The following HDAC9 variants were observed in gnomAD, a reference collection of about 807,000 sequenced individuals.
HDAC9 encodes histone deacetylase 9.
Under a neutral mutation model 139.4 loss-of-function variants are expected in HDAC9, and 41 were observed. The observed-to-expected ratio is 0.29, with a 90% CI of 0.23 to 0.38. The LOEUF (loss-of-function observed/expected upper bound fraction) is 0.38. Among genes scored for constraint, HDAC9 ranks in the 10% least tolerant of loss-of-function variants. The pLI is 1.00. For missense variants in HDAC9, 1,147 were observed against 1,297.0 expected (o/e 0.88, Z 1.78); for synonymous variants, 517 against 476.2 (o/e 1.09, Z -1.12).
At chr7:18,428,660 C>A (rs1052662517) in intron 1 of HDAC9, among the ~76,000 whole-genome samples, 2 of 152,190 alleles carry the variant, frequency 1.3e-5, no homozygotes, top group Admixed American at 6.5e-5. Context: ...CATTGGAGCC[C>A]TGGTTTATCC....
chr7:18,458,425 T>A (rs554227096), intron 1 of HDAC9, among the ~76,000 whole-genome samples: 31 of 152,254 alleles, frequency 2.0e-4, no homozygotes, highest in African/African-American at 7.2e-4. Flanking sequence ...TACCAATAAA[T>A]ATAGAATTCA....
intron 1 of HDAC9, among the ~76,000 whole-genome samples, chr7:18,294,360 G>A (rs1719613650): frequency 6.6e-6 from 1 of 151,978 alleles, no homozygotes; most frequent in South Asian, 2.1e-4. Flanking sequence ...ATGATACTGA[G>A]CTGCTAGGGG....
At chr7:18,434,077 A>G (rs556714322) in intron 1 of HDAC9, among the ~76,000 whole-genome samples, 25 of 152,314 alleles carry the variant, frequency 1.6e-4, no homozygotes, top group African/African-American at 4.8e-4. Context: ...ACATAGACCA[A>G]CAGAACAGAA....
At chr7:18,151,920 T>G (rs1786809334) in intron 1 of HDAC9, 1 of 152,246 alleles carries the variant, frequency 6.6e-6, no homozygotes, top group African/African-American at 2.4e-5. Context: ...TACAATTCAC[T>G]GAGCGTAGTA....
chr7:18,940,177 CAT>C (rs973427842), intron 23 of HDAC9, among the ~76,000 whole-genome samples: 37 of 152,156 alleles, frequency 2.4e-4, no homozygotes, highest in African/African-American at 8.4e-4. Context: ...TGTGTAGACA[CAT>C]AGAGGGGTAC....
At chr7:18,137,618 C>T (rs1472352477) in intron 1 of HDAC9, among the ~76,000 whole-genome samples, 23 of 150,186 alleles carry the variant, frequency 1.5e-4, no homozygotes, top group Non-Finnish European at 2.2e-4. Context: ...TATTGATTTG[C>T]GTATATTGAA....
At chr7:18,821,499 G>A (rs141872881) in intron 17 of HDAC9, among the ~76,000 whole-genome samples, 5 of 152,164 alleles carry the variant, frequency 3.3e-5, no homozygotes, top group East Asian at 1.9e-4. Flanking sequence ...GTGTGGCTGC[G>A]GTGGAGAAAG....
rs552535038 is a variant in HDAC9 at position 18,519,792 on chromosome 7, A to T, written c.22+23468A>T. ...ACAAATTCACAATAATTTATGTACCAGGATATTTATCAGCAGTTTTATTTA... is the reference window on the plus strand; with the variant it reads ...ACAAATTCACAATAATTTATGTACCTGGATATTTATCAGCAGTTTTATTTA... On this transcript the variant is annotated intron_variant, in intron 2 of 25. Coordinates refer to ENST00000686413, the MANE Select transcript of HDAC9 (RefSeq NM_178425.4). 2.6e-5 allele frequency among the ~76,000 whole-genome samples: 4 copies of T among 152,292 alleles called. 1 individual carries two copies. Among genetic ancestry groups the T allele is most frequent in the African/African-American group, 9.6e-5 (4 of 41,562 alleles).
Position 18,581,860 on chromosome 7 carries a change from C to G in HDAC9, c.23-3421C>G, listed in dbSNP as rs150976848. Reference sequence around the variant, plus strand: ...CATCTGAACTTGTCATGATTAATTTCTTTCCTTTCACAAATATCATCTTTG... The same window carrying G: ...CATCTGAACTTGTCATGATTAATTTGTTTCCTTTCACAAATATCATCTTTG... On this transcript the variant is annotated intron_variant, in intron 2 of 25. Transcript: ENST00000686413. Among the ~76,000 whole-genome samples, 256 of 152,316 alleles carry G rather than the reference C, an allele frequency of 1.7e-3. 1 individual carries two copies. Among genetic ancestry groups the G allele is most frequent in the Middle Eastern group, 6.8e-3 (2 of 294 alleles).
chr7:18,381,676 T>C (rs1785460525), intron 1 of HDAC9, among the ~76,000 whole-genome samples: 2 of 152,064 alleles, frequency 1.3e-5, no homozygotes, highest in Admixed American at 1.3e-4. Flanking sequence ...GCTGCTGAAA[T>C]AATATGAAGA....
At chr7:18,789,215 T>G (rs538156512) in intron 16 of HDAC9, among the ~76,000 whole-genome samples, 219 of 152,016 alleles carry the variant, frequency 1.4e-3, no homozygotes, top group Non-Finnish European at 2.3e-3. Context: ...TTACCTTTCT[T>G]CTATATCCAT....
chr7:18,363,537 T>C (rs1459529951), intron 1 of HDAC9, among the ~76,000 whole-genome samples: 2 of 152,216 alleles, frequency 1.3e-5, no homozygotes, highest in African/African-American at 4.8e-5. Context: ...GGTACTGTGC[T>C]ATGTAAATAA....
intron 2 of HDAC9, among the ~76,000 whole-genome samples, chr7:18,542,579 G>A (rs1008746903): frequency 9.2e-5 from 14 of 152,056 alleles, no homozygotes; most frequent in African/African-American, 3.1e-4. Context: ...ATAAGTGACA[G>A]TAAATACATG....
chr7:18,679,070 G>A (rs1781712352), intron 12 of HDAC9, among the ~76,000 whole-genome samples: 1 of 151,868 alleles, frequency 6.6e-6, no homozygotes, highest in South Asian at 2.1e-4. Context: ...ATTTAGTAAA[G>A]ATCTGAAAAA....
intron 11 of HDAC9, among the ~76,000 whole-genome samples, chr7:18,656,733 G>A (rs1791327211): frequency 6.6e-6 from 1 of 152,156 alleles, no homozygotes. Flanking sequence ...TGTGGACAGT[G>A]CTGTGACAAA....
intron 2 of HDAC9, among the ~76,000 whole-genome samples, chr7:18,222,288 T>C (rs302150): frequency 0.08 from 12,233 of 152,234 alleles, 988 homozygotes; most frequent in African/African-American, 0.21. Flanking sequence ...TATAAGTGGC[T>C]CTTTTAATTG....
At chr7:18,278,104 C>G (rs2128218394) in intron 2 of HDAC9, among the ~76,000 whole-genome samples, 1 of 152,296 alleles carries the variant, frequency 6.6e-6, no homozygotes. Flanking sequence ...GTATTTTAAT[C>G]ATTACTTCAC....
At chr7:18,842,353 C>T (rs1796638351) in intron 21 of HDAC9, among the ~76,000 whole-genome samples, 1 of 152,064 alleles carries the variant, frequency 6.6e-6, no homozygotes, top group African/African-American at 2.4e-5. Context: ...CTCACAAATC[C>T]AGCCCACATT....
At chr7:18,427,410 A>AT (rs66479022) in intron 1 of HDAC9, among the ~76,000 whole-genome samples, 17,908 of 148,674 alleles carry the variant, frequency 0.12, 1,359 homozygotes, top group African/African-American at 0.22. Flanking sequence ...TTATTTCTTT[A>AT]TTTTTTTTTT....
Sources: gnomAD v4.1 joint callset for allele counts (sites outside exome capture counted in the v4.1 genomes callset) on GRCh38, gnomAD v4.1.1 for gene constraint, MANE v1.5 for transcripts, NCBI Gene and HGNC (gene_info 2026-07-23, HGNC 2026-07-21) for gene names.